Variants in EPS15 observed in about 807,000 individuals in gnomAD.
The protein encoded by EPS15 is epidermal growth factor receptor pathway substrate 15.
In EPS15, 72 loss-of-function variants were observed where a neutral mutation model predicts 113.8. The ratio of observed to expected loss-of-function variants is 0.63; its 90% confidence interval spans 0.52 to 0.77. EPS15 has a LOEUF of 0.77. EPS15 is among the 30% of genes least tolerant of loss of function. EPS15 has a pLI of 0.00. For missense variants in EPS15, 1,048 were observed against 1,045.8 expected, an observed-to-expected ratio of 1.00 and a Z score of -0.03; for synonymous variants, 344 against 363.4, an observed-to-expected ratio of 0.95 and a Z score of 0.61.
intron 11 of EPS15, among the ~76,000 whole-genome samples, chr1:51,441,374 G>A (rs1006173118): frequency 2.0e-5 from 3 of 152,054 alleles, no homozygotes; most frequent in African/African-American, 7.2e-5. Context: ...GCTAGCTGAA[G>A]TCAGAGCGAA....
chr1:51,362,652 A>G (rs55671617), intron 23 of EPS15, among the ~76,000 whole-genome samples: 1 of 152,168 alleles, frequency 6.6e-6, no homozygotes, highest in Non-Finnish European at 1.5e-5. Context: ...TGATTTTTCA[A>G]CAGATTATCG....
In EPS15 at chr1:51,405,937, G is replaced by A. The variant is rs761148085; in HGVS notation, c.1645C>T (p.Leu549=). 6.2e-7 allele frequency: 1 copy of A among 1,614,082 alleles called. No individual in the cohort carries two copies. Among genetic ancestry groups the A allele is most frequent in the Non-Finnish European group, 8.5e-7 (1 of 1,179,994 alleles). ...LNEHVEGQSN[L]ESEPIHQESP... ...TCCTGGTGTATGGGCTCAGACTCTA[G>A]GTTGCTCTGGCCTTCAACATGTTCA... Residue 549 remains leucine (L), a synonymous_variant, in exon 16 of 25, where the codon CTA becomes TTA. Transcript: ENST00000371733.
intron 20 of EPS15, among the ~76,000 whole-genome samples, chr1:51,396,581 G>A (rs1481362885): frequency 1.3e-5 from 2 of 152,116 alleles, no homozygotes; most frequent in East Asian, 3.8e-4. Context: ...TTGCAGATTT[G>A]ATTTGCCATC....
At chr1:51,519,147 G>A in intron 1 of EPS15, 52 bp downstream of exon 1, 2 of 1,327,042 alleles carry the variant, frequency 1.5e-6, no homozygotes, top group African/African-American at 1.5e-5. Context: ...TGAGGGCGGT[G>A]GGGGAGGGGG....
chr1:51,488,489 A>AAAAAAAAAAAAAC (rs1644168159), intron 1 of EPS15, among the ~76,000 whole-genome samples: 1 of 151,182 alleles, frequency 6.6e-6, no homozygotes, highest in Admixed American at 6.6e-5. Context: ...AAAAAAAAAA[A>AAAAAAAAAAAAAC]AAAAAAACTC....
intron 1 of EPS15, among the ~76,000 whole-genome samples, chr1:51,490,638 T>C: frequency 6.6e-6 from 1 of 151,944 alleles, no homozygotes; most frequent in Non-Finnish European, 1.5e-5. Context: ...TGCCAATCTT[T>C]TCTCAGTTAA....
chr1:51,423,498 A>G (rs1650956630), intron 12 of EPS15: 3 of 985,266 alleles, frequency 3.0e-6, no homozygotes, highest in Middle Eastern at 5.2e-4. Context: ...CATGTTAGAG[A>G]TAAGTCACAT....
At chr1:51,427,714 A>C (rs1023894283) in intron 12 of EPS15, among the ~76,000 whole-genome samples, 1 of 152,230 alleles carries the variant, frequency 6.6e-6, no homozygotes, top group African/African-American at 2.4e-5. Context: ...TGGAGGTGAG[A>C]GACTTCAGCT....
intron 12 of EPS15, among the ~76,000 whole-genome samples, chr1:51,432,910 T>C (rs1228070138): frequency 6.6e-6 from 1 of 152,204 alleles, no homozygotes; most frequent in African/African-American, 2.4e-5. Context: ...AGAGACCTTT[T>C]AGTGTCAGTG....
intron 7 of EPS15, among the ~76,000 whole-genome samples, chr1:51,462,869 G>T (rs1328427387): frequency 6.0e-5 from 8 of 133,216 alleles, no homozygotes; most frequent in Non-Finnish European, 1.1e-4. Flanking sequence ...AAAAAAGTCA[G>T]ATTTTTTTTT....
At chr1:51,472,974 GACA>G (rs771436637) in intron 2 of EPS15, 26 bp from the exon 3 acceptor site, 22 of 1,576,486 alleles carry the variant, frequency 1.4e-5, no homozygotes, top group Non-Finnish European at 1.9e-5. Context: ...TCCGTAAGTT[GACA>G]ACAAAATACA....
At position 51,371,636 on chromosome 1, in the gene EPS15, A is replaced by T. The variant is rs549389679; in HGVS notation, c.2120-5607T>A. On this transcript the variant is annotated intron_variant, in intron 21 of 24. Transcript: ENST00000371733. ...TATTACAAGAGTCAAAAAGTTCAAAAATTTTTTAAAGTTTTAGAAAGTTAA... is the reference window on the plus strand; with the variant it reads ...TATTACAAGAGTCAAAAAGTTCAAATATTTTTTAAAGTTTTAGAAAGTTAA... 4.8e-3 allele frequency among the ~76,000 whole-genome samples: 729 copies of T among 152,304 alleles called. 5 individuals are homozygous for T. The highest frequency in any genetic ancestry group is 0.01 in the Middle Eastern group (3 of 294).
At chr1:51,470,135 GA>G (rs746451010) in intron 4 of EPS15, among the ~76,000 whole-genome samples, 2 of 152,150 alleles carry the variant, frequency 1.3e-5, no homozygotes, top group Non-Finnish European at 2.9e-5. Flanking sequence ...GCTATGAAGT[GA>G]AATAATTCTG....
chr1:51,431,630 G>A (rs1008385869), intron 12 of EPS15, among the ~76,000 whole-genome samples: 2 of 151,984 alleles, frequency 1.3e-5, no homozygotes, highest in African/African-American at 4.8e-5. Flanking sequence ...ATTTTTACTA[G>A]AGACGGGGTT....
At chr1:51,420,255 C>T (rs1650627492) in intron 13 of EPS15, among the ~76,000 whole-genome samples, 1 of 152,058 alleles carries the variant, frequency 6.6e-6, no homozygotes, top group African/African-American at 2.4e-5. Flanking sequence ...TTATAAGACA[C>T]CAAATGTTCA....
At chr1:51,504,433 A>C (rs1644463643) in intron 1 of EPS15, among the ~76,000 whole-genome samples, 2 of 152,122 alleles carry the variant, frequency 1.3e-5, no homozygotes, top group Non-Finnish European at 2.9e-5. Flanking sequence ...TTAAAATTAA[A>C]TTAAAAACTT....
At chr1:51,476,326 A>G (rs1373858979) in intron 2 of EPS15, among the ~76,000 whole-genome samples, 1 of 152,138 alleles carries the variant, frequency 6.6e-6, no homozygotes, top group Non-Finnish European at 1.5e-5. Context: ...GATTCTTCCT[A>G]TCCATGAGTA....
At chr1:51,430,973 TACATAC>T (rs1236646668) in intron 12 of EPS15, among the ~76,000 whole-genome samples, 1 of 74,522 alleles carries the variant, frequency 1.3e-5, no homozygotes, top group African/African-American at 6.3e-5. Flanking sequence ...ATACATTACT[TACATAC>T]ACACACACAC....
At chr1:51,373,952 C>CA (rs1240728511) in intron 21 of EPS15, among the ~76,000 whole-genome samples, 1 of 151,546 alleles carries the variant, frequency 6.6e-6, no homozygotes, top group Non-Finnish European at 1.5e-5. Flanking sequence ...ACTCCGTCTC[C>CA]AAAAAAAATT....
Sources: gnomAD v4.1 joint callset for allele counts (sites outside exome capture counted in the v4.1 genomes callset) on GRCh38, gnomAD v4.1.1 for gene constraint, MANE v1.5 for transcripts, NCBI Gene and HGNC (gene_info 2026-07-23, HGNC 2026-07-21) for gene names.